CCDC154: variants seen among roughly 807,000 people sequenced by gnomAD.
The protein encoded by CCDC154 is coiled-coil domain containing 154.
In CCDC154, 91 loss-of-function variants were observed where a neutral mutation model predicts 87.5. The observed-to-expected ratio is 1.04, with a 90% confidence interval of 0.88 to 1.24. The LOEUF is 1.24. Ranked by LOEUF, CCDC154 falls within the 50% of genes most tolerant of loss-of-function variation. The pLI, the probability that CCDC154 is intolerant of heterozygous loss-of-function variation, is 0.00. For synonymous variants in CCDC154, 418 were observed against 400.4 expected (o/e 1.04, Z -0.52); for missense variants, 903 against 879.2 (o/e 1.03, Z -0.34).
In CCDC154 at chr16:1,434,736, G is replaced by T. The variant is rs2038484425; in HGVS notation, c.1809C>A (p.Val603=). 1 of 1,546,288 alleles carries T rather than the reference G, an allele frequency of 6.5e-7. No homozygotes were observed. The change falls in exon 16 of 17, where the codon GTC becomes GTA. Residue 603 remains valine (V), a synonymous_variant. Coordinates refer to ENST00000389176, the MANE Select transcript of CCDC154 (RefSeq NM_001143980.3). ...TGCCAGGCGCCATGTCCTTGATGAA[G>T]ACCCGCGGCCTCACCAGGGATGGGA... ...KALPSLVRPR[V]FIKDMAPGKV...
intron 12 of CCDC154, 56 bp downstream of exon 12, chr16:1,436,636 G>A (rs888779016): frequency 4.5e-6 from 7 of 1,546,602 alleles, no homozygotes; most frequent in Non-Finnish European, 6.1e-6. Flanking sequence ...AGGGAGAAGG[G>A]TCCCACGCCA....
At chr16:1,435,361 G>C in intron 14 of CCDC154, 186 bp from the exon 15 acceptor site, 1 of 628,332 alleles carries the variant, frequency 1.6e-6, no homozygotes, top group Non-Finnish European at 2.8e-6. Context: ...CAGCCTGAGA[G>C]TGGCCCTGCG....
At position 1,438,712 on chromosome 16, in the gene CCDC154, T is replaced by C. The variant is rs1310745476; in HGVS notation, c.932A>G (p.Gln311Arg). Residue 311 changes from glutamine to arginine, a missense_variant, in exon 9 of 17, where the codon CAG (glutamine) becomes CGG (arginine). Transcript: ENST00000389176. ...HEESHLLEQC[Q>R]GLDAAVAQLT... is the part of the protein sequence containing the mutation. The stretch of plus-strand genomic sequence containing the variant: ...CTGGGCCACGGCAGCATCCAGGCCC[T>C]GGCACTGCTCCAGGAGGTGGCTCTC... The C allele has an allele frequency of 5.8e-6, 9 of 1,549,850 alleles. No individual in the cohort carries two copies. Among genetic ancestry groups the C allele is most frequent in the Middle Eastern group, 1.7e-4 (1 of 6,008 alleles).
rs372349162 is a variant in CCDC154, at chr16:1,438,128, G to A, written c.1074C>T (p.Ala358=). 8.2e-5 allele frequency: 127 copies of A among 1,548,216 alleles called. No homozygotes were observed. Among genetic ancestry groups the A allele is most frequent in the East Asian group, 7.8e-4 (32 of 40,884 alleles). The change falls in exon 10 of 17, where the codon GCC becomes GCT. Residue 358 remains alanine, a synonymous_variant. Coordinates refer to ENST00000389176, the MANE Select transcript of CCDC154 (RefSeq NM_001143980.3). ...LEESRAGELA[A]YVQENLEAAQ... ...CGGCCTCCAGGTTCTCCTGCACATAGGCGGCCAGCTCCCCAGCCCGGCTTT... is the reference window on the plus strand; with the variant it reads ...CGGCCTCCAGGTTCTCCTGCACATAAGCGGCCAGCTCCCCAGCCCGGCTTT...
chr16:1,442,941 T>G lies in CCDC154; in HGVS notation c.490A>C (p.Arg164=). The G allele has an allele frequency of 6.5e-7, 1 of 1,537,530 alleles. No homozygotes were observed. The highest frequency in any genetic ancestry group is 8.8e-7 in the Non-Finnish European group (1 of 1,139,052). ...VEVREALTRL[R]RRQVQQEAER... ...GCCTCCTGTTGCACCTGCCTCCTCC[T>G]GAGCCGGGTCAAGGCTTCCCGGACC... Residue 164 remains arginine, a synonymous_variant, in exon 5 of 17, where the codon AGG becomes CGG. Transcript: ENST00000389176.
Position 1,438,666 on chromosome 16 carries a change from C to T in CCDC154, c.978G>A (p.Gln326=), listed in dbSNP as rs1456121369. 6 of 1,550,064 alleles carry T rather than the reference C, an allele frequency of 3.9e-6. No individual in the cohort carries two copies. The highest frequency in any genetic ancestry group is 5.2e-6 in the Non-Finnish European group (6 of 1,146,826). The change falls in exon 9 of 17, where the codon CAG becomes CAA. Residue 326 remains glutamine, a synonymous_variant. Coordinates refer to ENST00000389176, the MANE Select transcript of CCDC154 (RefSeq NM_001143980.3). ...AVAQLTKFVQ[Q]NQASLNRVLL... The stretch of plus-strand genomic sequence containing the variant: ...GGACACGGTTCAGCGACGCCTGGTT[C>T]TGCTGCACAAACTTGGTCAGCTGGG...
Position 1,443,304 on chromosome 16 carries a change from G to A in CCDC154, c.415-3C>T, listed in dbSNP as rs950710720. On this transcript the variant is annotated splice_region_variant and splice_polypyrimidine_tract_variant and intron_variant, in intron 3 of 16. Transcript: ENST00000389176. ...ATCTGGTTCTGGAGACCAGAGAACTGCGAGGAGGAAGAGGAGGCTGTGGGC... is the reference window on the plus strand; with the variant it reads ...ATCTGGTTCTGGAGACCAGAGAACTACGAGGAGGAAGAGGAGGCTGTGGGC... 9 of 1,548,558 alleles carry A rather than the reference G, an allele frequency of 5.8e-6. No homozygotes were observed. Among genetic ancestry groups the A allele is most frequent in the Non-Finnish European group, 7.9e-6 (9 of 1,146,376 alleles).
At chr16:1,436,564 T>C (rs1478431642) in intron 12 of CCDC154, 43 bp from the exon 13 acceptor site, 3 of 1,546,686 alleles carry the variant, frequency 1.9e-6, no homozygotes, top group Non-Finnish European at 2.6e-6. Flanking sequence ...CAGGGCGCCA[T>C]CTAGGACCAG....
intron 5 of CCDC154, among the ~76,000 whole-genome samples, 173 bp downstream of exon 5, chr16:1,442,707 C>T (rs2038563363): frequency 6.6e-6 from 1 of 152,240 alleles, no homozygotes; most frequent in Non-Finnish European, 1.5e-5. Context: ...GAGTCTCTTC[C>T]CCACAGAGGG....
At position 1,442,664 on chromosome 16, in the gene CCDC154, AAC is replaced by A. The variant is rs751894282; in HGVS notation, c.552-137_552-136del. On this transcript the variant is annotated intron_variant, in intron 5 of 16. Coordinates refer to ENST00000389176, the MANE Select transcript of CCDC154 (RefSeq NM_001143980.3). ...CCCACCAGAAAACAGAGGAATGGGAAACACAGCACCGGTGGCAGGGAAGGGCT... is the reference window on the plus strand; with the variant it reads ...CCCACCAGAAAACAGAGGAATGGGAAACAGCACCGGTGGCAGGGAAGGGCT... 4.8e-5 allele frequency: 53 copies of A among 1,110,932 alleles called. 1 individual carries two copies. The East Asian group carries it at 1.4e-3, about 28-fold the overall frequency. The allele number at this position is 1,110,932 out of a possible 1,614,324, so 68.8% of individuals were successfully genotyped here. A position where few individuals can be genotyped will look rare whatever the true frequency, so the allele number is the denominator to read the frequency against.
chr16:1,438,890 G>GC lies in CCDC154; in HGVS notation c.830dup (p.Glu278ArgfsTer25), dbSNP rs1567258100. 1 of 1,549,146 alleles carries GC rather than the reference G, an allele frequency of 6.5e-7. No individual in the cohort carries two copies. Among genetic ancestry groups the GC allele is most frequent in the African/African-American group, 1.4e-5 (1 of 73,012 alleles). On this transcript the variant is annotated frameshift_variant, in exon 8 of 17. Coordinates refer to ENST00000389176, the MANE Select transcript of CCDC154 (RefSeq NM_001143980.3). LOFTEE classifies it high-confidence loss of function. ...GCTTCTCCCACCGGCTCTCCAGCTC[G>GC]CCCCGCAGGCTGCCCTCCAGCTTCA...
intron 12 of CCDC154, 23 bp from the exon 13 acceptor site, chr16:1,436,544 C>A (rs1279601721): frequency 4.5e-6 from 7 of 1,547,594 alleles, no homozygotes; most frequent in Non-Finnish European, 6.1e-6. Flanking sequence ...CCGGGAGCGG[C>A]GGGCAGCCCC....
Position 1,442,902 on chromosome 16 carries a change from C to A in CCDC154, c.529G>T (p.Ala177Ser), listed in dbSNP as rs1252157092. The change falls in exon 5 of 17, where the codon GCC (alanine) becomes TCC (serine). Residue 177 changes from alanine to serine, a missense_variant. Coordinates refer to ENST00000389176, the MANE Select transcript of CCDC154 (RefSeq NM_001143980.3). Reference protein sequence around the residue: ...QVQQEAERRGAEQEAGLRLAK... With the variant: ...QVQQEAERRGSEQEAGLRLAK... ...CACCTGAGGCCGGCCTCTTGCTCGG[C>A]GCCCCTTCTCTCCGCCTCCTGTTGC... 3 of 1,549,456 alleles carry A rather than the reference C, an allele frequency of 1.9e-6. No individual in the cohort carries two copies. In the South Asian group the frequency reaches 3.6e-5, roughly 18 times the overall value.
intron 6 of CCDC154, among the ~76,000 whole-genome samples, chr16:1,440,265 C>T (rs996187396): frequency 7.9e-5 from 12 of 151,210 alleles, no homozygotes; most frequent in South Asian, 2.1e-4. Context: ...CTGGCTAACA[C>T]GGTGAAATCC....
chr16:1,439,252 T>C (rs890739308), intron 6 of CCDC154, 126 bp from the exon 7 acceptor site: 6 of 851,292 alleles, frequency 7.0e-6, no homozygotes, highest in Admixed American at 2.3e-5. Flanking sequence ...CCGGCTGAGC[T>C]GGGCCTGCCA....
At chr16:1,441,605 T>C (rs4786392) in intron 6 of CCDC154, among the ~76,000 whole-genome samples, 64,569 of 151,990 alleles carry the variant, frequency 0.42, 14,222 homozygotes, top group Admixed American at 0.47. Flanking sequence ...CTCCGCTTTG[T>C]GTGCAGGGAA....
At chr16:1,440,883 G>A (rs541610917) in intron 6 of CCDC154, among the ~76,000 whole-genome samples, 155 of 151,948 alleles carry the variant, frequency 1.0e-3, no homozygotes, top group South Asian at 1.5e-3. Context: ...CGTGGGAGGC[G>A]GAGCTTGTAG....
chr16:1,434,965 C>G (rs1447100422), intron 15 of CCDC154, 113 bp from the exon 16 acceptor site: 2 of 1,413,202 alleles, frequency 1.4e-6, no homozygotes, highest in African/African-American at 1.4e-5. Context: ...TCAGGGAAAC[C>G]CTGCCCATGG....
In CCDC154 at chr16:1,434,432, T is replaced by C. The variant is rs892156522; in HGVS notation, c.1980A>G (p.Thr660=). 1.2e-4 allele frequency: 183 copies of C among 1,550,140 alleles called. No homozygotes were observed. Among genetic ancestry groups the C allele is most frequent in the Non-Finnish European group, 1.5e-4 (174 of 1,146,874 alleles). Residue 660 remains threonine (T), a synonymous_variant, in exon 17 of 17, where the codon ACA becomes ACG. Transcript: ENST00000389176. ...TTTATTTCTGGATAAACAGTGAGGG[T>C]GTGAGCTGCTGCACCTGCTCCTGGC... The part of the protein sequence containing the change: ...PHSQEQVQQL[T]PSLFIQK
Sources: allele counts gnomAD v4.1 joint callset (sites outside exome capture counted in the v4.1 genomes callset), GRCh38; gene constraint gnomAD v4.1.1; transcripts MANE v1.5; gene names NCBI Gene and HGNC (gene_info 2026-07-23, HGNC 2026-07-21).